The following UBAP2 variants were observed in gnomAD, a reference collection of about 807,000 sequenced individuals.
UBAP2 encodes ubiquitin-associated protein 2.
In UBAP2, 75 loss-of-function variants were observed where a neutral mutation model predicts 139.6. The ratio of observed to expected loss-of-function variants is 0.54; its 90% CI spans 0.45 to 0.65. The LOEUF (loss-of-function observed/expected upper bound fraction) is 0.65. Ranked by LOEUF, UBAP2 falls within the 30% of genes least tolerant of loss-of-function variation. The pLI is 0.00. For missense variants in UBAP2, 1,368 were observed against 1,369.6 expected (o/e 1.00, Z 0.02); for synonymous variants, 526 against 526.2 (o/e 1.00, Z 0.01).
chr9:33,992,717 G>C (rs1267093107), intron 4 of UBAP2, among the ~76,000 whole-genome samples: 2 of 151,634 alleles, frequency 1.3e-5, no homozygotes, highest in African/African-American at 4.9e-5. Context: ...CAATACCATA[G>C]TAACTGCTAA....
intron 19 of UBAP2, among the ~76,000 whole-genome samples, chr9:33,928,998 CA>C (rs1478564839): frequency 1.1e-4 from 17 of 152,186 alleles, no homozygotes; most frequent in Non-Finnish European, 2.5e-4. Flanking sequence ...AAGGTAAAGA[CA>C]GCCAAAAACA....
In UBAP2 at chr9:33,923,249, T is replaced by C. The variant is rs781292773; in HGVS notation, c.2941A>G (p.Lys981Glu). Residue 981 changes from lysine to glutamate, a missense_variant, in exon 26 of 29, where the codon AAA becomes GAA. By Grantham distance (56) the Lys-to-Glu change is moderately conservative (BLOSUM62 1). Coordinates refer to ENST00000379238, the MANE Select transcript of UBAP2 (RefSeq NM_001370062.2). Reference sequence around the variant, plus strand: ...TGCGATGATCCAGCATAGCCACCTTTGGAGTAGTCTCCTGCTGCTGTCCCC... The same window carrying C: ...TGCGATGATCCAGCATAGCCACCTTCGGAGTAGTCTCCTGCTGCTGTCCCC... ...TQGTAAGDYS[K>E]GGYAGSSQAP... 6.2e-7 allele frequency: 1 copy of C among 1,614,222 alleles called. No individual in the cohort carries two copies. The highest frequency in any genetic ancestry group is 1.1e-5 in the South Asian group (1 of 91,088).
At chr9:33,993,896 CTT>C (rs34361153) in intron 4 of UBAP2, among the ~76,000 whole-genome samples, 14 of 137,230 alleles carry the variant, frequency 1.0e-4, no homozygotes, top group African/African-American at 5.4e-5. Context: ...GCTTTGCTTT[CTT>C]TTTTTTTTTT....
In UBAP2 at chr9:33,927,006, G is replaced by A. The variant is rs1823494738; in HGVS notation, c.2446C>T (p.Leu816=). The change falls in exon 21 of 29, where the codon CTG becomes TTG. Residue 816 remains leucine (L), a synonymous_variant. Coordinates refer to ENST00000379238, the MANE Select transcript of UBAP2 (RefSeq NM_001370062.2). The part of the protein sequence containing the change: ...HNQYLVGPGG[L]LPAYPIYGYD... ...ACACTCACCGGGTAGGCAGGAAGCA[G>A]TCCTCCGGGACCTACGAGGTACTGG... 1 of 1,614,130 alleles carries A rather than the reference G, an allele frequency of 6.2e-7. No homozygotes were observed. The highest frequency in any genetic ancestry group is 8.5e-7 in the Non-Finnish European group (1 of 1,180,022).
At chr9:33,968,086 G>A (rs559920916) in intron 8 of UBAP2, 4 of 466,902 alleles carry the variant, frequency 8.6e-6, no homozygotes, top group African/African-American at 8.0e-5. Context: ...TTATCAGATT[G>A]CCCGGCAGTT....
chr9:34,035,633 C>T (rs934484227), intron 1 of UBAP2, among the ~76,000 whole-genome samples: 3 of 148,638 alleles, frequency 2.0e-5, no homozygotes, highest in East Asian at 2.0e-4. Context: ...TGCAGTGAGT[C>T]GAGATCGTGC....
intron 1 of UBAP2, 58 bp from the exon 2 acceptor site, chr9:34,017,247 T>C: frequency 1.4e-6 from 1 of 734,846 alleles, no homozygotes; most frequent in Non-Finnish European, 2.1e-6. Flanking sequence ...AGCATGTACT[T>C]CAGAGAAAAC....
At chr9:34,038,143 GAAAAAAAA>G (rs78650365) in intron 1 of UBAP2, among the ~76,000 whole-genome samples, 75,336 of 126,874 alleles carry the variant, frequency 0.59, 22,226 homozygotes, top group East Asian at 0.81. Context: ...TCCAGCCTGG[GAAAAAAAA>G]AAAAAAAAAA....
Position 34,008,887 on chromosome 9 carries a change from C to A in UBAP2, c.99+8163G>T, listed in dbSNP as rs934908080. Among the ~76,000 whole-genome samples, 18 of 143,360 alleles carry A rather than the reference C, an allele frequency of 1.3e-4. No homozygotes were observed. The Middle Eastern group carries it at 0.011, about 91-fold the overall frequency. The allele number at this position is 143,360 out of a possible 152,430, so 94.0% of individuals were successfully genotyped here. Reference sequence around the variant, plus strand: ...GGCTGAGGCAGGAGAATGGCTTGAACCCACAAGGCAGAGGTTGCAGTGAGC... The same window carrying A: ...GGCTGAGGCAGGAGAATGGCTTGAAACCACAAGGCAGAGGTTGCAGTGAGC... On this transcript the variant is annotated intron_variant, in intron 2 of 28. Transcript: ENST00000379238.
intron 2 of UBAP2, among the ~76,000 whole-genome samples, chr9:34,004,447 T>C (rs1404056207): frequency 2.0e-5 from 3 of 151,542 alleles, no homozygotes; most frequent in Non-Finnish European, 2.9e-5. Flanking sequence ...ATGGCGCCAC[T>C]GCACTCCAGC....
chr9:33,977,767 A>G (rs978769463), intron 6 of UBAP2, among the ~76,000 whole-genome samples: 11 of 151,506 alleles, frequency 7.3e-5, no homozygotes, highest in Non-Finnish European at 1.2e-4. Flanking sequence ...GGTTCGAATG[A>G]TTCTTGTGCC....
intron 11 of UBAP2, among the ~76,000 whole-genome samples, chr9:33,955,775 C>T (rs924850608): frequency 7.3e-5 from 11 of 150,402 alleles, no homozygotes; most frequent in African/African-American, 2.5e-4. Context: ...TGCAGTGAGC[C>T]GAGATAGCGC....
At chr9:33,982,486 G>T (rs1820848616) in intron 6 of UBAP2, among the ~76,000 whole-genome samples, 1 of 152,160 alleles carries the variant, frequency 6.6e-6, no homozygotes, top group East Asian at 1.9e-4. Context: ...GAACGTAATA[G>T]ATTTTGACAG....
chr9:34,028,457 G>A (rs556146794), intron 1 of UBAP2, among the ~76,000 whole-genome samples: 5 of 151,964 alleles, frequency 3.3e-5, no homozygotes, highest in African/African-American at 1.2e-4. Context: ...CTGGCTCACT[G>A]CAACCTCTGC....
chr9:33,926,761 A>G, intron 21 of UBAP2, 97 bp from the exon 22 acceptor site: 1 of 1,304,928 alleles, frequency 7.7e-7, no homozygotes, highest in Non-Finnish European at 1.1e-6. Context: ...GGGGGCTCTA[A>G]CACACCCGGG....
chr9:33,997,300 A>G (rs1261677944), intron 3 of UBAP2: 1 of 152,220 alleles, frequency 6.6e-6, no homozygotes, highest in East Asian at 1.9e-4. Flanking sequence ...CTCAAGTATC[A>G]GTGAATAAAT....
intron 3 of UBAP2, chr9:33,997,399 T>C (rs1362433899): frequency 6.6e-6 from 1 of 152,184 alleles, no homozygotes; most frequent in Non-Finnish European, 1.5e-5. Context: ...TCCCAACATA[T>C]CAAGTGATTT....
intron 2 of UBAP2, among the ~76,000 whole-genome samples, chr9:34,005,872 G>A (rs1472474169): frequency 2.6e-5 from 4 of 152,092 alleles, no homozygotes; most frequent in East Asian, 1.9e-4. Context: ...AAAATACACC[G>A]TCCTTGAGAA....
At chr9:33,973,704 T>C (rs1448450140) in intron 6 of UBAP2, among the ~76,000 whole-genome samples, 1 of 152,074 alleles carries the variant, frequency 6.6e-6, no homozygotes, top group Non-Finnish European at 1.5e-5. Flanking sequence ...AAGAGAAAAT[T>C]ATGACTAGCA....
Sources: gnomAD v4.1 joint callset for allele counts (sites outside exome capture counted in the v4.1 genomes callset) on GRCh38, gnomAD v4.1.1 for gene constraint, MANE v1.5 for transcripts, NCBI Gene and HGNC (gene_info 2026-07-23, HGNC 2026-07-21) for gene names.